The following ZNF469 variants were observed in gnomAD, a reference collection of about 807,000 sequenced individuals.
ZNF469 encodes zinc finger protein 469.
A neutral mutation model predicts 1.0 loss-of-function variants in ZNF469; 1 was observed. That is an observed-to-expected ratio of 1.00 (90% CI 0.35 to 4.73). The LOEUF (loss-of-function observed/expected upper bound fraction) is 4.73. ZNF469 is among the 30% of genes most tolerant of loss of function. The pLI is 0.16. For synonymous variants in ZNF469, 2,703 were observed against 2,363.4 expected, an observed-to-expected ratio of 1.14 and a Z score of -4.17; for missense variants, 6,100 against 5,356.3, an observed-to-expected ratio of 1.14 and a Z score of -4.33.
chr16:88,355,446 G>A, the ZNF469 span, among the ~76,000 whole-genome samples: 261 of 152,308 alleles, frequency 1.7e-3, 2 homozygotes, highest in Admixed American at 4.1e-3. Flanking sequence ...TCATCTTCCC[G>A]CTGGACCCTT....
chr16:88,355,579 C>G, the ZNF469 span, among the ~76,000 whole-genome samples: 2 of 152,202 alleles, frequency 1.3e-5, no homozygotes, highest in Non-Finnish European at 2.9e-5. Context: ...CCTCAGATCT[C>G]AGTGCTGGTG....
chr16:88,171,574 C>T, the ZNF469 span, among the ~76,000 whole-genome samples: 1 of 152,332 alleles, frequency 6.6e-6, no homozygotes, highest in East Asian at 1.9e-4. Context: ...TTCTTAAGTC[C>T]TATGATCAGG....
chr16:88,267,490 G>A, the ZNF469 span, among the ~76,000 whole-genome samples: 1 of 152,236 alleles, frequency 6.6e-6, no homozygotes, highest in Non-Finnish European at 1.5e-5. Flanking sequence ...CCCAGGGCTG[G>A]TCCACCACGG....
At chr16:88,129,688 A>C in the ZNF469 span, among the ~76,000 whole-genome samples, 2 of 152,140 alleles carry the variant, frequency 1.3e-5, no homozygotes, top group African/African-American at 4.8e-5. Context: ...CCCCATCCCT[A>C]CTAAGAATAC....
chr16:88,384,190 A>T (rs903704131), intron 1 of ZNF469, among the ~76,000 whole-genome samples: 2 of 152,226 alleles, frequency 1.3e-5, no homozygotes, highest in Non-Finnish European at 2.9e-5. Flanking sequence ...CAAGTCTTAG[A>T]TGCAGAAACT....
chr16:88,112,772 C>CTTTTTTTTTTTTTTTTTTTTTT, the ZNF469 span, among the ~76,000 whole-genome samples: 2 of 73,484 alleles, frequency 2.7e-5, no homozygotes, highest in African/African-American at 6.0e-5. Flanking sequence ...TGTGCAGAAG[C>CTTTTTTTTTTTTTTTTTTTTTT]TTTTTTTTTT....
chr16:88,279,124 C>T, the ZNF469 span, among the ~76,000 whole-genome samples: 13 of 42,826 alleles, frequency 3.0e-4, 2 homozygotes, highest in African/African-American at 7.1e-4. Flanking sequence ...TATCACTGCA[C>T]GGTTAGTGCT....
At chr16:88,250,972 G>A in the ZNF469 span, among the ~76,000 whole-genome samples, 1,124 of 152,256 alleles carry the variant, frequency 7.4e-3, 13 homozygotes, top group African/African-American at 0.026. Flanking sequence ...CTGCCTCCCG[G>A]GTTCAAGCGA....
At chr16:88,347,373 G>A in the ZNF469 span, among the ~76,000 whole-genome samples, 2 of 152,150 alleles carry the variant, frequency 1.3e-5, no homozygotes, top group Non-Finnish European at 2.9e-5. Flanking sequence ...TAATTCACTA[G>A]CACTGTTATT....
the ZNF469 span, among the ~76,000 whole-genome samples, chr16:88,331,749 CCAT>C: frequency 8.0e-5 from 12 of 150,762 alleles, no homozygotes; most frequent in South Asian, 4.2e-4. Flanking sequence ...ATCATCACCA[CCAT>C]CATCATCATC....
At chr16:88,379,762 C>T (rs1380969098), upstream of ZNF469, among the ~76,000 whole-genome samples, 2 of 152,092 alleles carry the variant, frequency 1.3e-5, no homozygotes, top group East Asian at 3.9e-4. Context: ...AACATGGGGA[C>T]AAGGCAAGGG....
chr16:88,297,414 G>GTT, the ZNF469 span, among the ~76,000 whole-genome samples: 1 of 151,934 alleles, frequency 6.6e-6, no homozygotes, highest in African/African-American at 2.4e-5. Context: ...CACTTTTTTT[G>GTT]TTTTTTTGCA....
At chr16:88,395,236 T>TGG (rs1179816584) in intron 1 of ZNF469, among the ~76,000 whole-genome samples, 19 of 18,022 alleles carry the variant, frequency 1.1e-3, no homozygotes, top group African/African-American at 8.5e-3. Flanking sequence ...GGTGGATGGG[T>TGG]AGATGGATGG....
the ZNF469 span, among the ~76,000 whole-genome samples, chr16:88,164,369 G>C: frequency 6.6e-6 from 1 of 152,150 alleles, no homozygotes; most frequent in African/African-American, 2.4e-5. Context: ...TGGATGAATG[G>C]ATGGGTGGAC....
At chr16:88,314,658 G>A in the ZNF469 span, among the ~76,000 whole-genome samples, 1 of 150,754 alleles carries the variant, frequency 6.6e-6, no homozygotes, top group African/African-American at 2.4e-5. Flanking sequence ...GGCAGTGCTG[G>A]TGTGGGCTGT....
the ZNF469 span, among the ~76,000 whole-genome samples, chr16:88,204,551 G>A: frequency 2.6e-5 from 4 of 152,264 alleles, no homozygotes. Context: ...AAAGATGTCT[G>A]ACTTCAAGCT....
Position 88,437,626 on chromosome 16 carries a change from G to A in ZNF469, c.10156G>A (p.Gly3386Arg), listed in dbSNP as rs1193577545. 16 of 1,540,736 alleles carry A rather than the reference G, an allele frequency of 1.0e-5. No homozygotes were observed. Among genetic ancestry groups the A allele is most frequent in the South Asian group, 9.6e-5 (8 of 83,704 alleles). The change falls in exon 3 of 3, where the codon GGG becomes AGG. Residue 3386 changes from glycine (G) to arginine (R), a missense_variant. Physicochemically the swap from Gly to Arg is moderately radical, Grantham distance 125 (BLOSUM62 -2). Transcript: ENST00000565624. ...EHGELLAHLG[G>R]AHGLLERPEL... ...CGGGGAGCTGCTGGCACACCTGGGC[G>A]GGGCGCACGGGCTGCTGGAGCGGCC...
At chr16:88,411,060 C>A (rs771091586) in intron 1 of ZNF469, among the ~76,000 whole-genome samples, 10 of 152,186 alleles carry the variant, frequency 6.6e-5, no homozygotes, top group Non-Finnish European at 1.3e-4. Flanking sequence ...GATGTAGAGC[C>A]CCTGTAATCC....
the ZNF469 span, among the ~76,000 whole-genome samples, chr16:88,185,783 CAT>C: frequency 2.6e-4 from 39 of 151,662 alleles, no homozygotes; most frequent in African/African-American, 8.5e-4. Context: ...CACACTCACA[CAT>C]GTGAATATAG....
Sources: allele counts gnomAD v4.1 joint callset (sites outside exome capture counted in the v4.1 genomes callset), GRCh38; gene constraint gnomAD v4.1.1; transcripts MANE v1.5; gene names NCBI Gene and HGNC (gene_info 2026-07-23, HGNC 2026-07-21).